The following ARHGAP32 variants were observed in gnomAD, a reference collection of about 807,000 sequenced individuals.
ARHGAP32 encodes rho GTPase-activating protein 32.
ARHGAP32 carries 51 observed loss-of-function variants against 186.5 expected under a neutral mutation model. That is an observed-to-expected ratio of 0.27 (90% confidence interval 0.22 to 0.35). The LOEUF is 0.35. Ranked by LOEUF, ARHGAP32 falls within the 10% of genes least tolerant of loss-of-function variation. The pLI, the probability that ARHGAP32 is intolerant of heterozygous loss-of-function variation, is 1.00. For synonymous variants in ARHGAP32, 950 were observed against 964.3 expected (o/e 0.99, Z 0.27); for missense variants, 2,186 against 2,623.5 (o/e 0.83, Z 3.64).
At chr11:129,002,268 T>A (rs1252559751) in intron 11 of ARHGAP32, among the ~76,000 whole-genome samples, 1 of 152,200 alleles carries the variant, frequency 6.6e-6, no homozygotes, top group Non-Finnish European at 1.5e-5. Context: ...CTCTTCCATT[T>A]CTTGCATCAG....
At chr11:129,271,037 C>G (rs1303677261) in intron 1 of ARHGAP32, among the ~76,000 whole-genome samples, 1 of 152,126 alleles carries the variant, frequency 6.6e-6, no homozygotes, top group African/African-American at 2.4e-5. Context: ...TGATATGGAG[C>G]CTCATAAGCG....
At chr11:129,169,942 G>C (rs1943723421) in intron 1 of ARHGAP32, among the ~76,000 whole-genome samples, 1 of 151,988 alleles carries the variant, frequency 6.6e-6, no homozygotes, top group Non-Finnish European at 1.5e-5. Flanking sequence ...ATAAGGCCAA[G>C]CCAGAGTTTA....
intron 6 of ARHGAP32, among the ~76,000 whole-genome samples, chr11:129,068,458 T>C (rs747421538): frequency 1.3e-4 from 20 of 152,228 alleles, no homozygotes; most frequent in Non-Finnish European, 2.5e-4. Context: ...TGCCAAGTTA[T>C]GATGTACAAG....
intron 2 of ARHGAP32, among the ~76,000 whole-genome samples, chr11:129,155,069 CATAA>C (rs139284221): frequency 0.015 from 2,280 of 152,216 alleles, 47 homozygotes; most frequent in African/African-American, 0.047. Context: ...CATTGGTATA[CATAA>C]ATAAAGTTTT....
At chr11:129,134,999 T>C (rs972130159) in intron 2 of ARHGAP32, among the ~76,000 whole-genome samples, 2 of 152,164 alleles carry the variant, frequency 1.3e-5, no homozygotes, top group African/African-American at 2.4e-5. Flanking sequence ...CCAGAACACA[T>C]TGAGACAGAA....
At chr11:129,037,976 C>T (rs996804323) in intron 11 of ARHGAP32, among the ~76,000 whole-genome samples, 1 of 151,756 alleles carries the variant, frequency 6.6e-6, no homozygotes, top group Non-Finnish European at 1.5e-5. Flanking sequence ...TGGCACACAC[C>T]TGTAATCCCA....
intron 1 of ARHGAP32, among the ~76,000 whole-genome samples, chr11:129,227,801 T>C (rs1944806011): frequency 6.6e-6 from 1 of 152,080 alleles, no homozygotes; most frequent in African/African-American, 2.4e-5. Context: ...AATAGAGACA[T>C]GTATCCCACT....
chr11:129,212,317 T>C (rs551901334), intron 1 of ARHGAP32, among the ~76,000 whole-genome samples: 5 of 152,188 alleles, frequency 3.3e-5, no homozygotes, highest in African/African-American at 4.8e-5. Context: ...CTATCAACTG[T>C]ATTTTCCAAC....
intron 5 of ARHGAP32, among the ~76,000 whole-genome samples, chr11:129,099,168 G>A (rs1297898188): frequency 1.3e-5 from 2 of 152,126 alleles, no homozygotes; most frequent in African/African-American, 2.4e-5. Context: ...CAAAGACAGG[G>A]ATTGGCAGAA....
At chr11:129,054,478 CA>C (rs1268831129) in intron 10 of ARHGAP32, among the ~76,000 whole-genome samples, 28 of 152,174 alleles carry the variant, frequency 1.8e-4, no homozygotes, top group African/African-American at 6.3e-4. Flanking sequence ...CCATTTTTAT[CA>C]CGTTTCTCTC....
chr11:129,240,057 T>C (rs1944994301), intron 1 of ARHGAP32, among the ~76,000 whole-genome samples: 1 of 152,120 alleles, frequency 6.6e-6, no homozygotes, highest in Non-Finnish European at 1.5e-5. Context: ...ATTTTTTTTT[T>C]CTGAGACGGA....
At chr11:129,271,510 T>C (rs1217230690) in intron 1 of ARHGAP32, among the ~76,000 whole-genome samples, 1 of 151,832 alleles carries the variant, frequency 6.6e-6, no homozygotes, top group Non-Finnish European at 1.5e-5. Flanking sequence ...CCCTCCTTTG[T>C]TCATGCTGCC....
intron 20 of ARHGAP32, 31 bp downstream of exon 20, chr11:128,976,532 A>G (rs1205918243): frequency 9.6e-6 from 15 of 1,556,014 alleles, no homozygotes; most frequent in Non-Finnish European, 1.2e-5. Flanking sequence ...AATATATTAT[A>G]GAATAAAATG....
Position 128,968,795 on chromosome 11 carries a change from A to T in ARHGAP32, c.*112T>A. On this transcript the variant is annotated 3_prime_UTR_variant, in exon 23 of 23. Coordinates refer to ENST00000682385, the MANE Select transcript of ARHGAP32 (RefSeq NM_001378024.1). ...TTGTTTACTTTTATTATCATTTTTT[A>T]AATGTGGTCAGGGGTTTTATAGTAT... is the stretch of plus-strand genomic sequence containing the variant. 1.2e-6 allele frequency: 1 copy of T among 847,320 alleles called. No homozygotes were observed. Among genetic ancestry groups the T allele is most frequent in the Non-Finnish European group, 1.6e-6 (1 of 617,062 alleles). 52.5% of individuals were successfully genotyped at this position (847,320 alleles called of 1,614,324 possible). A position where few individuals can be genotyped will look rare whatever the true frequency, so the allele number is the denominator to read the frequency against.
chr11:129,131,838 G>A (rs1019923370), intron 2 of ARHGAP32, among the ~76,000 whole-genome samples: 1 of 152,088 alleles, frequency 6.6e-6, no homozygotes, highest in Non-Finnish European at 1.5e-5. Flanking sequence ...AAGTCTGTGG[G>A]GATAACCCTT....
intron 10 of ARHGAP32, among the ~76,000 whole-genome samples, chr11:129,043,223 C>T (rs746001020): frequency 6.6e-6 from 1 of 152,124 alleles, no homozygotes; most frequent in African/African-American, 2.4e-5. Context: ...ATAGTGCTCT[C>T]CAAGTCACAT....
chr11:129,237,155 T>C (rs1944947870), intron 1 of ARHGAP32, among the ~76,000 whole-genome samples: 1 of 152,226 alleles, frequency 6.6e-6, no homozygotes, highest in African/African-American at 2.4e-5. Flanking sequence ...AGTTCACTAG[T>C]ATTTTGTTGA....
At chr11:129,006,947 C>T (rs1362598447) in intron 11 of ARHGAP32, among the ~76,000 whole-genome samples, 4 of 152,110 alleles carry the variant, frequency 2.6e-5, no homozygotes, top group African/African-American at 9.7e-5. Flanking sequence ...CCATGAGACA[C>T]AGTCTTTCCT....
upstream of ARHGAP32, among the ~76,000 whole-genome samples, chr11:129,197,261 T>C (rs1944404376): frequency 6.6e-6 from 1 of 152,120 alleles, no homozygotes; most frequent in Non-Finnish European, 1.5e-5. Flanking sequence ...TCTAATTCTA[T>C]ATCCAATACC....
Sources: gnomAD v4.1 joint callset for allele counts (sites outside exome capture counted in the v4.1 genomes callset) on GRCh38, gnomAD v4.1.1 for gene constraint, MANE v1.5 for transcripts, NCBI Gene and HGNC (gene_info 2026-07-23, HGNC 2026-07-21) for gene names.